PNPLA5: variants seen among roughly 807,000 people sequenced by gnomAD.
PNPLA5 encodes the protein patatin-like phospholipase domain-containing protein 5.
PNPLA5 carries 44 observed loss-of-function variants against 49.1 expected under a neutral mutation model. That is an observed-to-expected ratio of 0.90 (90% confidence interval 0.70 to 1.15). PNPLA5 has a LOEUF of 1.15. Among genes scored for constraint, PNPLA5 ranks in the 50% most tolerant of loss-of-function variants. The probability of loss-of-function intolerance (pLI) is 0.00; values close to 1 mark genes in which losing one functional copy is unlikely to be tolerated. For missense variants in PNPLA5, 603 were observed against 564.0 expected (o/e 1.07, Z -0.70); for synonymous variants, 243 against 244.4 (o/e 0.99, Z 0.06).
intron 7 of PNPLA5, among the ~76,000 whole-genome samples, chr22:43,883,235 A>G (rs941630328): frequency 6.6e-6 from 1 of 152,128 alleles, no homozygotes. Flanking sequence ...TGAGCTGTGC[A>G]GCTGGAAGCC....
intron 2 of PNPLA5, among the ~76,000 whole-genome samples, 166 bp downstream of exon 2, chr22:43,890,896 C>A (rs1407849545): frequency 2.0e-5 from 3 of 152,178 alleles, no homozygotes; most frequent in Non-Finnish European, 4.4e-5. Flanking sequence ...CCAGACCCAC[C>A]CTGCCGACCC....
At chr22:43,882,089 TC>T (rs1381658821) in intron 7 of PNPLA5, among the ~76,000 whole-genome samples, 1 of 152,124 alleles carries the variant, frequency 6.6e-6, no homozygotes, top group African/African-American at 2.4e-5. Context: ...GTTCCTAATG[TC>T]CTCCTTATCG....
chr22:43,884,354 G>C lies in PNPLA5; in HGVS notation c.950-9C>G, dbSNP rs1265993493. 3.2e-6 allele frequency: 5 copies of C among 1,550,944 alleles called. No homozygotes were observed. Among genetic ancestry groups the C allele is most frequent in the Non-Finnish European group, 3.5e-6 (4 of 1,147,110 alleles). On this transcript the variant is annotated splice_polypyrimidine_tract_variant and intron_variant, in intron 6 of 8. Transcript: ENST00000216177. ...ACATGCTTTCTTCAGTGCTGCAAGA[G>C]AAGCCCTGGCATGGCCCTGCCCACC...
At chr22:43,889,890 C>T (rs913286595) in intron 2 of PNPLA5, 26 bp from the exon 3 acceptor site, 11 of 1,611,100 alleles carry the variant, frequency 6.8e-6, no homozygotes, top group Non-Finnish European at 9.3e-6. Flanking sequence ...TCAGCAGGAA[C>T]ACAACTGTGC....
rs749917334 is a variant in PNPLA5, at chr22:43,886,461, G to C, written c.791C>G (p.Thr264Arg). Residue 264 changes from threonine to arginine, a missense_variant, in exon 6 of 9, where the codon ACG becomes AGG. Thr to Arg is a moderately conservative substitution (Grantham distance 71). Transcript: ENST00000216177. ...RGLTKEPVLWTLVSKEPPAPA... is the reference protein window; with the variant it reads ...RGLTKEPVLWRLVSKEPPAPA... ...GGCTGGGGGTTCCTTAGACACCAGC[G>C]TCCATAGCACTGGTTCCTTGGTGAG... The C allele has an allele frequency of 1.2e-6, 2 of 1,613,840 alleles. No homozygotes were observed. The highest frequency in any genetic ancestry group is 2.2e-5 in the South Asian group (2 of 91,008).
chr22:43,881,744 CA>C, intron 7 of PNPLA5, 70 bp from the exon 8 acceptor site: 1 of 1,569,530 alleles, frequency 6.4e-7, no homozygotes, highest in South Asian at 1.2e-5. Context: ...CCACCCTCCC[CA>C]TAGGCCCAGA....
At chr22:43,883,079 G>A (rs2049626630) in intron 7 of PNPLA5, among the ~76,000 whole-genome samples, 1 of 152,158 alleles carries the variant, frequency 6.6e-6, no homozygotes, top group Non-Finnish European at 1.5e-5. Flanking sequence ...TCTCCCTCCT[G>A]CCTCTGGATC....
At chr22:43,882,395 C>T (rs1451790567) in intron 7 of PNPLA5, among the ~76,000 whole-genome samples, 2 of 152,242 alleles carry the variant, frequency 1.3e-5, no homozygotes, top group African/African-American at 4.8e-5. Flanking sequence ...ACCTCAGACA[C>T]TGGCCACTGC....
chr22:43,885,662 G>A (rs751926347), intron 6 of PNPLA5, among the ~76,000 whole-genome samples: 14 of 152,212 alleles, frequency 9.2e-5, no homozygotes, highest in Admixed American at 6.5e-4. Flanking sequence ...CCCCACCATC[G>A]TTACATGTGC....
chr22:43,880,698 G>A lies in PNPLA5; in HGVS notation c.*97C>T. The A allele has an allele frequency of 8.7e-7, 1 of 1,148,728 alleles. No individual in the cohort carries two copies. The highest frequency in any genetic ancestry group is 1.1e-6 in the Non-Finnish European group (1 of 905,028). 71.2% of individuals were successfully genotyped at this position (1,148,728 alleles called of 1,614,324 possible). A position where few individuals can be genotyped will look rare whatever the true frequency, so the allele number is the denominator to read the frequency against. On this transcript the variant is annotated 3_prime_UTR_variant, in exon 9 of 9. Coordinates refer to ENST00000216177, the MANE Select transcript of PNPLA5 (RefSeq NM_138814.4). ...TGCAGGGTCTCCACGGAGATTGGCAGGGCCTCTTCCCGCTGGGGCAGATGT... is the reference window on the plus strand; with the variant it reads ...TGCAGGGTCTCCACGGAGATTGGCAAGGCCTCTTCCCGCTGGGGCAGATGT...
chr22:43,890,036 G>A (rs908216226), intron 2 of PNPLA5, 172 bp from the exon 3 acceptor site: 3 of 1,398,764 alleles, frequency 2.1e-6, no homozygotes, highest in African/African-American at 2.9e-5. Context: ...GGGAAGCAGG[G>A]ATTGGAGCAC....
intron 4 of PNPLA5, 131 bp downstream of exon 4, chr22:43,889,198 T>G: frequency 5.9e-6 from 6 of 1,010,652 alleles, no homozygotes; most frequent in Non-Finnish European, 8.7e-6. Context: ...TGTTTGGCTG[T>G]GAGACTCGGG....
chr22:43,891,925 C>G lies in PNPLA5; in HGVS notation c.-45G>C. The G allele has an allele frequency of 6.8e-7, 1 of 1,476,406 alleles. No individual in the cohort carries two copies. The highest frequency in any genetic ancestry group is 9.0e-7 in the Non-Finnish European group (1 of 1,114,034). 91.5% of individuals were successfully genotyped at this position (1,476,406 alleles called of 1,614,324 possible). A position where few individuals can be genotyped will look rare whatever the true frequency, so the allele number is the denominator to read the frequency against. On this transcript the variant is annotated 5_prime_UTR_variant, in exon 1 of 9. Coordinates refer to ENST00000216177, the MANE Select transcript of PNPLA5 (RefSeq NM_138814.4). The stretch of plus-strand genomic sequence containing the variant: ...GTGATCGGGACGAGGAAGGGTCACT[C>G]CGTGACCCGGGATAGGGCCGGGATG...
Position 43,889,426 on chromosome 22 carries a change from G to A in PNPLA5, c.605C>T (p.Pro202Leu). ...TVDICPQSTS[P>L]NLHELNVFNF... ...GAAGACGTTCAGCTCATGCAGGTTG[G>A]GGGAGGTGCTCTGGGGGCAGATGTC... Residue 202 changes from proline to leucine, a missense_variant, in exon 4 of 9, where the codon CCC becomes CTC. Physicochemically the swap from Pro to Leu is moderately conservative, Grantham distance 98 (BLOSUM62 -3). Transcript: ENST00000216177. 1 of 1,614,142 alleles carries A rather than the reference G, an allele frequency of 6.2e-7. No homozygotes were observed. The highest frequency in any genetic ancestry group is 8.5e-7 in the Non-Finnish European group (1 of 1,180,024).
In PNPLA5 at chr22:43,884,191, A is replaced by G. The variant is rs754259535; in HGVS notation, c.1082+22T>C. 7 of 1,382,154 alleles carry G rather than the reference A, an allele frequency of 5.1e-6. No individual in the cohort carries two copies. In the African/African-American group the frequency reaches 6.1e-5, roughly 12 times the overall value. The allele number at this position is 1,382,154 out of a possible 1,614,324, so 85.6% of individuals were successfully genotyped here. ...CTCCGCCACAAGCCAGGCCCTTCCC[A>G]GGCCCCCTGGCCGAGCCTTACCTTC... On this transcript the variant is annotated intron_variant, in intron 7 of 8. Transcript: ENST00000216177.
intron 4 of PNPLA5, among the ~76,000 whole-genome samples, chr22:43,888,486 G>C (rs1190678532): frequency 7.4e-6 from 1 of 135,852 alleles, no homozygotes; most frequent in East Asian, 2.1e-4. Flanking sequence ...CCAGGCTAGA[G>C]TGTAATGGCA....
chr22:43,884,989 C>T lies in PNPLA5; in HGVS notation c.950-644G>A, dbSNP rs186296783. 4.6e-4 allele frequency among the ~76,000 whole-genome samples: 70 copies of T among 152,368 alleles called. No homozygotes were observed. In the Middle Eastern group the frequency reaches 0.031, roughly 67 times the overall value. On this transcript the variant is annotated intron_variant, in intron 6 of 8. Transcript: ENST00000216177. Reference sequence around the variant, plus strand: ...ATAGCACAGGCCAGAGACCCTGCTCCACATCCACCTGCCGAGTGTCCTAGG... The same window carrying T: ...ATAGCACAGGCCAGAGACCCTGCTCTACATCCACCTGCCGAGTGTCCTAGG...
Position 43,880,707 on chromosome 22 carries a change from C to G in PNPLA5, c.*88G>C. The G allele has an allele frequency of 1.7e-6, 2 of 1,190,814 alleles. No individual in the cohort carries two copies. Among genetic ancestry groups the G allele is most frequent in the Non-Finnish European group, 2.1e-6 (2 of 942,204 alleles). The allele number at this position is 1,190,814 out of a possible 1,614,324, so 73.8% of individuals were successfully genotyped here. A position where few individuals can be genotyped will look rare whatever the true frequency, so the allele number is the denominator to read the frequency against. The stretch of plus-strand genomic sequence containing the variant: ...TCCACGGAGATTGGCAGGGCCTCTT[C>G]CCGCTGGGGCAGATGTGGGCACACA... On this transcript the variant is annotated 3_prime_UTR_variant, in exon 9 of 9. Coordinates refer to ENST00000216177, the MANE Select transcript of PNPLA5 (RefSeq NM_138814.4).
At position 43,889,320 on chromosome 22, in the gene PNPLA5, C is replaced by G. The variant is rs757506621; in HGVS notation, c.702+9G>C. 10 of 1,613,274 alleles carry G rather than the reference C, an allele frequency of 6.2e-6. No homozygotes were observed. In the African/African-American group the frequency reaches 1.3e-4, roughly 22 times the overall value. ...CAAGCCTCTAACACCATCACAGGGC[C>G]AGACCTACCTCGAGGCTGGGGGGTA... On this transcript the variant is annotated intron_variant, in intron 4 of 8. Transcript: ENST00000216177.
Sources: gnomAD v4.1 joint callset for allele counts (sites outside exome capture counted in the v4.1 genomes callset) on GRCh38, gnomAD v4.1.1 for gene constraint, MANE v1.5 for transcripts, NCBI Gene and HGNC (gene_info 2026-07-23, HGNC 2026-07-21) for gene names.